ZBTB7C: variants seen among roughly 807,000 people sequenced by gnomAD.
ZBTB7C encodes zinc finger and BTB domain-containing protein 7C.
ZBTB7C carries 8 observed loss-of-function variants against 25.7 expected under a neutral mutation model. The observed-to-expected ratio is 0.31, with a 90% CI of 0.18 to 0.56. The LOEUF is 0.56. Among genes scored for constraint, ZBTB7C ranks in the 20% least tolerant of loss-of-function variants. The pLI is 0.91. For synonymous variants in ZBTB7C, 394 were observed against 369.0 expected, an observed-to-expected ratio of 1.07 and a Z score of -0.78; for missense variants, 824 against 855.2, an observed-to-expected ratio of 0.96 and a Z score of 0.46.
intron 3 of ZBTB7C, among the ~76,000 whole-genome samples, chr18:48,049,443 T>A (rs1314132882): frequency 6.6e-6 from 1 of 152,158 alleles, no homozygotes; most frequent in Non-Finnish European, 1.5e-5. Flanking sequence ...GGTCTATTTC[T>A]TGTATTTCTG....
At chr18:48,295,607 C>A (rs1406419175) in intron 2 of ZBTB7C, among the ~76,000 whole-genome samples, 2 of 152,096 alleles carry the variant, frequency 1.3e-5, no homozygotes, top group Non-Finnish European at 2.9e-5. Flanking sequence ...CGCTGCCACA[C>A]ACAAGCAACT....
chr18:48,394,661 G>A (rs909598488), intron 1 of ZBTB7C, among the ~76,000 whole-genome samples: 5 of 152,184 alleles, frequency 3.3e-5, no homozygotes, highest in African/African-American at 1.2e-4. Context: ...GTGTGTGTCT[G>A]TGTGCGTATG....
chr18:48,196,478 G>T (rs959864785), intron 2 of ZBTB7C, among the ~76,000 whole-genome samples: 1 of 152,182 alleles, frequency 6.6e-6, no homozygotes, highest in African/African-American at 2.4e-5. Context: ...GCAGTAGGTT[G>T]CTTGGGGAAG....
intron 2 of ZBTB7C, among the ~76,000 whole-genome samples, chr18:48,305,852 C>T (rs925255831): frequency 1.3e-5 from 2 of 152,180 alleles, no homozygotes; most frequent in African/African-American, 4.8e-5. Flanking sequence ...CTCCCCTCAG[C>T]CCCAAGGGTG....
intron 2 of ZBTB7C, among the ~76,000 whole-genome samples, chr18:48,271,414 C>T (rs925033735): frequency 6.6e-6 from 1 of 151,346 alleles, no homozygotes; most frequent in African/African-American, 2.4e-5. Flanking sequence ...TCACTTATTT[C>T]ATACATATAT....
At chr18:48,046,618 A>G (rs2036478187) in intron 3 of ZBTB7C, among the ~76,000 whole-genome samples, 1 of 152,244 alleles carries the variant, frequency 6.6e-6, no homozygotes, top group African/African-American at 2.4e-5. Flanking sequence ...GCCTTTTAAA[A>G]TAGAAGAGCT....
intron 2 of ZBTB7C, among the ~76,000 whole-genome samples, chr18:48,209,391 A>G (rs74660137): frequency 0.12 from 18,910 of 152,254 alleles, 1,532 homozygotes; most frequent in Non-Finnish European, 0.18. Flanking sequence ...TTCTGCTTTT[A>G]ACAAACTTAA....
At chr18:48,149,342 A>G (rs2040601703) in intron 3 of ZBTB7C, 1 of 152,348 alleles carries the variant, frequency 6.6e-6, no homozygotes, top group Non-Finnish European at 1.5e-5. Context: ...TTGTTTCAAC[A>G]CCAAACAGGG....
chr18:48,143,292 T>C (rs1449591449), intron 3 of ZBTB7C, among the ~76,000 whole-genome samples: 1 of 152,070 alleles, frequency 6.6e-6, no homozygotes, highest in Non-Finnish European at 1.5e-5. Flanking sequence ...GGAGTGCTTT[T>C]TTCTTCCTCC....
At chr18:48,036,160 G>A (rs1410455694) in intron 4 of ZBTB7C, among the ~76,000 whole-genome samples, 1 of 152,242 alleles carries the variant, frequency 6.6e-6, no homozygotes, top group Non-Finnish European at 1.5e-5. Flanking sequence ...CACCTGGTAG[G>A]ACTGGCTGGA....
chr18:48,111,880 G>T (rs940651014), intron 3 of ZBTB7C, among the ~76,000 whole-genome samples: 1 of 152,130 alleles, frequency 6.6e-6, no homozygotes, highest in African/African-American at 2.4e-5. Flanking sequence ...AAATTATTAC[G>T]TACATTCTCT....
intron 4 of ZBTB7C, among the ~76,000 whole-genome samples, chr18:48,037,892 G>A (rs1459945833): frequency 6.6e-6 from 1 of 152,228 alleles, no homozygotes; most frequent in Non-Finnish European, 1.5e-5. Context: ...GTCATATGCA[G>A]GGGCTGGGAC....
chr18:48,335,228 A>G (rs1352844904), intron 2 of ZBTB7C, among the ~76,000 whole-genome samples: 1 of 152,216 alleles, frequency 6.6e-6, no homozygotes, highest in Non-Finnish European at 1.5e-5. Flanking sequence ...TTTCTGCCAA[A>G]CTTAGCCAAT....
chr18:48,087,986 T>A (rs528593851), intron 3 of ZBTB7C, among the ~76,000 whole-genome samples: 1 of 152,178 alleles, frequency 6.6e-6, no homozygotes, highest in African/African-American at 2.4e-5. Flanking sequence ...AGTAGCTTTA[T>A]ATGAATACAT....
chr18:48,277,754 A>C (rs1275026491), intron 2 of ZBTB7C, among the ~76,000 whole-genome samples: 1 of 152,184 alleles, frequency 6.6e-6, no homozygotes, highest in East Asian at 1.9e-4. Flanking sequence ...TCGAGTGCTA[A>C]ATTTGTAGAC....
chr18:48,034,800 C>T (rs569740835), intron 4 of ZBTB7C, among the ~76,000 whole-genome samples: 5 of 152,178 alleles, frequency 3.3e-5, no homozygotes, highest in Non-Finnish European at 5.9e-5. Context: ...ACCCAAGCCT[C>T]GGTCTACATG....
chr18:48,068,816 C>T (rs759933715), intron 3 of ZBTB7C, among the ~76,000 whole-genome samples: 41 of 152,208 alleles, frequency 2.7e-4, no homozygotes, highest in Non-Finnish European at 5.6e-4. Flanking sequence ...GAGCATGGAC[C>T]ACCTCTCAAG....
At chr18:48,302,762 C>T (rs181622961) in intron 2 of ZBTB7C, among the ~76,000 whole-genome samples, 1 of 152,214 alleles carries the variant, frequency 6.6e-6, no homozygotes, top group African/African-American at 2.4e-5. Context: ...TGACTCCAGT[C>T]TTGCTGGCAG....
chr18:48,393,185 G>C (rs758411892), intron 1 of ZBTB7C, among the ~76,000 whole-genome samples: 3 of 151,964 alleles, frequency 2.0e-5, no homozygotes, highest in Admixed American at 6.5e-5. Context: ...GGTGGGACTC[G>C]AGTGGAATCA....
Sources: gnomAD v4.1 joint callset for allele counts (sites outside exome capture counted in the v4.1 genomes callset) on GRCh38, gnomAD v4.1.1 for gene constraint, MANE v1.5 for transcripts, NCBI Gene and HGNC (gene_info 2026-07-23, HGNC 2026-07-21) for gene names.